Variants in ARB2A observed in about 807,000 individuals in gnomAD.
ARB2A encodes the protein cotranscriptional regulator ARB2A.
At chr5:93,623,105 A>C in the ARB2A span, among the ~76,000 whole-genome samples, 4 of 152,166 alleles carry the variant, frequency 2.6e-5, no homozygotes. Flanking sequence ...TCTCTATTCT[A>C]TAGTGTTTGC....
the ARB2A span, among the ~76,000 whole-genome samples, chr5:93,872,782 T>C: frequency 1.3e-5 from 2 of 152,002 alleles, no homozygotes; most frequent in African/African-American, 4.8e-5. Flanking sequence ...CCAGGCACGG[T>C]GGCAGGTGCC....
At chr5:93,762,058 C>T in the ARB2A span, among the ~76,000 whole-genome samples, 1 of 151,668 alleles carries the variant, frequency 6.6e-6, no homozygotes, top group African/African-American at 2.4e-5. Context: ...CTGTACATCA[C>T]CATCATCAAA....
chr5:93,990,668 G>T, the ARB2A span, among the ~76,000 whole-genome samples: 2 of 138,536 alleles, frequency 1.4e-5, no homozygotes, highest in South Asian at 2.3e-4. Flanking sequence ...AATTCAGTTA[G>T]ATTTCAACTC....
the ARB2A span, among the ~76,000 whole-genome samples, chr5:93,866,447 C>A: frequency 6.6e-6 from 1 of 152,140 alleles, no homozygotes; most frequent in African/African-American, 2.4e-5. Flanking sequence ...TACACCCACA[C>A]ACACACAGAA....
At chr5:93,881,406 C>T in the ARB2A span, 1 of 1,191,506 alleles carries the variant, frequency 8.4e-7, no homozygotes. Flanking sequence ...ACAAAACAAT[C>T]TACATATAAT....
At chr5:93,844,961 G>A in the ARB2A span, among the ~76,000 whole-genome samples, 4 of 152,158 alleles carry the variant, frequency 2.6e-5, no homozygotes, top group African/African-American at 9.7e-5. Context: ...AAAATGTTGT[G>A]TTTTCACTAA....
At chr5:93,617,995 T>C in the ARB2A span, 1 of 152,174 alleles carries the variant, frequency 6.6e-6, no homozygotes, top group African/African-American at 2.4e-5. Context: ...CCTTTTATGT[T>C]TTTGCTTTAA....
At chr5:93,881,580 T>C in the ARB2A span, 698 of 1,611,228 alleles carry the variant, frequency 4.3e-4, 1 homozygote, top group Non-Finnish European at 5.7e-4. Context: ...CTTTCCCGTT[T>C]TTCTGCTGGT....
the ARB2A span, among the ~76,000 whole-genome samples, chr5:93,928,993 CAA>C: frequency 7.1e-6 from 1 of 140,290 alleles, no homozygotes; most frequent in Non-Finnish European, 1.6e-5. Flanking sequence ...TTAAAGTCTA[CAA>C]AAAAAAAAGT....
the ARB2A span, among the ~76,000 whole-genome samples, chr5:93,882,380 AT>A: frequency 1.3e-5 from 2 of 151,296 alleles, no homozygotes; most frequent in South Asian, 4.1e-4. Flanking sequence ...AATTTCTTTC[AT>A]TTTTCAACCT....
the ARB2A span, among the ~76,000 whole-genome samples, chr5:93,853,817 C>T: frequency 6.6e-6 from 1 of 152,156 alleles, no homozygotes; most frequent in Non-Finnish European, 1.5e-5. Flanking sequence ...CCCACTTGAT[C>T]ATGGTGGATA....
the ARB2A span, among the ~76,000 whole-genome samples, chr5:93,705,645 GTGTGTGTATA>G: frequency 4.1e-5 from 6 of 146,296 alleles, no homozygotes; most frequent in African/African-American, 8.0e-5. Context: ...GTGTGTGTGT[GTGTGTGTATA>G]TATATATATA....
At chr5:93,724,525 A>G in the ARB2A span, among the ~76,000 whole-genome samples, 3 of 152,212 alleles carry the variant, frequency 2.0e-5, no homozygotes, top group Admixed American at 2.0e-4. Context: ...AGATGTATTC[A>G]AACTTTAGCT....
the ARB2A span, among the ~76,000 whole-genome samples, chr5:94,094,923 A>C: frequency 6.6e-6 from 1 of 152,204 alleles, no homozygotes; most frequent in Non-Finnish European, 1.5e-5. Flanking sequence ...AAAGGTGCAC[A>C]TAAGACAGAG....
chr5:93,814,527 G>T, the ARB2A span, among the ~76,000 whole-genome samples: 1 of 152,100 alleles, frequency 6.6e-6, no homozygotes, highest in Non-Finnish European at 1.5e-5. Flanking sequence ...CTATACAAAT[G>T]GTTTTTCCTA....
the ARB2A span, among the ~76,000 whole-genome samples, chr5:93,897,627 A>G: frequency 6.6e-6 from 1 of 151,874 alleles, no homozygotes; most frequent in African/African-American, 2.4e-5. Flanking sequence ...GGAAAATAAG[A>G]TTAATTATAT....
At chr5:93,991,762 C>T in the ARB2A span, among the ~76,000 whole-genome samples, 1 of 151,856 alleles carries the variant, frequency 6.6e-6, no homozygotes, top group South Asian at 2.1e-4. Context: ...ATGAACACTG[C>T]TTCAGTAACC....
the ARB2A span, among the ~76,000 whole-genome samples, chr5:93,783,429 T>C: frequency 1.3e-5 from 2 of 152,170 alleles, no homozygotes; most frequent in Non-Finnish European, 2.9e-5. Context: ...TATGAAATTA[T>C]ATAGCCTAAT....
At chr5:93,987,836 CAACT>C in the ARB2A span, among the ~76,000 whole-genome samples, 2 of 152,136 alleles carry the variant, frequency 1.3e-5, no homozygotes, top group Non-Finnish European at 1.5e-5. Flanking sequence ...TGTATGTATT[CAACT>C]AACTATTGGT....
Sources: allele counts gnomAD v4.1 joint callset (sites outside exome capture counted in the v4.1 genomes callset), GRCh38; gene constraint gnomAD v4.1.1; transcripts MANE v1.5; gene names NCBI Gene and HGNC (gene_info 2026-07-23, HGNC 2026-07-21).